The following CLEC12A variants were observed in gnomAD, a reference collection of about 807,000 sequenced individuals.
CLEC12A encodes C-type lectin protein CLL-1.
A neutral mutation model predicts 26.5 loss-of-function variants in CLEC12A; 22 were observed. The observed-to-expected ratio is 0.83, with a 90% CI of 0.59 to 1.19. The LOEUF (loss-of-function observed/expected upper bound fraction) is 1.19. Ranked by LOEUF, CLEC12A falls within the 50% of genes most tolerant of loss-of-function variation. The pLI is 0.00. For missense variants in CLEC12A, 353 were observed against 315.6 expected, an observed-to-expected ratio of 1.12 and a Z score of -0.90; for synonymous variants, 119 against 101.9, an observed-to-expected ratio of 1.17 and a Z score of -1.01.
chr12:9,964,751 G>C (rs1042005082), intron 1 of CLEC12A, among the ~76,000 whole-genome samples: 2 of 152,200 alleles, frequency 1.3e-5, no homozygotes, highest in Non-Finnish European at 2.9e-5. Flanking sequence ...AGGTGGGCTG[G>C]TGACTTGTAC....
At chr12:9,972,063 T>G (rs758905699) in intron 1 of CLEC12A, among the ~76,000 whole-genome samples, 3,369 of 45,654 alleles carry the variant, frequency 0.074, 41 homozygotes, top group Middle Eastern at 0.14. Context: ...TGTGTGTGTT[T>G]TTTTTTTTAT....
the CLEC12A span, among the ~76,000 whole-genome samples, chr12:10,005,775 G>A: frequency 1.6e-4 from 25 of 151,912 alleles, no homozygotes; most frequent in Non-Finnish European, 3.2e-4. Context: ...TCTCCTTCTT[G>A]TGGCCATTTA....
chr12:9,963,611 G>A (rs1281643438), intron 1 of CLEC12A, among the ~76,000 whole-genome samples: 2 of 152,088 alleles, frequency 1.3e-5, no homozygotes, highest in Admixed American at 1.3e-4. Flanking sequence ...GTGTCATGAG[G>A]GGAACAGGGA....
intron 1 of CLEC12A, among the ~76,000 whole-genome samples, chr12:9,977,514 C>A (rs1310476789): frequency 6.6e-6 from 1 of 152,134 alleles, no homozygotes; most frequent in Non-Finnish European, 1.5e-5. Context: ...TTCTGTTTTT[C>A]AAATAGAAAT....
chr12:9,997,411 G>C (rs1338578972), downstream of CLEC12A: 3 of 776,012 alleles, frequency 3.9e-6, no homozygotes, highest in South Asian at 3.9e-5. Flanking sequence ...ATGATTAAAT[G>C]AATGTTGAAA....
intron 5 of CLEC12A, chr12:9,983,776 G>A (rs1037973126): frequency 7.4e-6 from 3 of 406,790 alleles, no homozygotes; most frequent in Admixed American, 8.5e-5. Context: ...GAAATAGTAA[G>A]TGTAGGAGTG....
At chr12:9,980,482 A>G in intron 3 of CLEC12A, 100 bp from the exon 4 acceptor site, 1 of 1,208,558 alleles carries the variant, frequency 8.3e-7, no homozygotes, top group Non-Finnish European at 1.2e-6. Flanking sequence ...AAAGAAGAAT[A>G]AACAGCAAAT....
intron 3 of CLEC12A, 27 bp downstream of exon 3, chr12:9,979,551 T>C (rs746451901): frequency 1.2e-5 from 19 of 1,547,186 alleles, no homozygotes; most frequent in East Asian, 1.1e-4. Context: ...TTGGAGTTAT[T>C]TATTGGACAA....
At chr12:9,963,954 A>T (rs921713482) in intron 1 of CLEC12A, among the ~76,000 whole-genome samples, 17 of 152,206 alleles carry the variant, frequency 1.1e-4, no homozygotes, top group African/African-American at 3.9e-4. Flanking sequence ...ACTGTTATTT[A>T]TGGGGCTGGG....
intron 1 of CLEC12A, among the ~76,000 whole-genome samples, chr12:9,978,085 A>T (rs1486049465): frequency 6.6e-6 from 1 of 152,174 alleles, no homozygotes; most frequent in Non-Finnish European, 1.5e-5. Context: ...TGGATTTCAC[A>T]ATATTATTGC....
At chr12:9,980,955 C>T (rs118068222) in intron 4 of CLEC12A, among the ~76,000 whole-genome samples, 2,523 of 152,232 alleles carry the variant, frequency 0.017, 39 homozygotes, top group Non-Finnish European at 0.022. Context: ...ATGAGTATTA[C>T]AGGGCACCCA....
intron 4 of CLEC12A, chr12:9,991,708 AAC>A (rs1864897047): frequency 6.6e-6 from 1 of 152,176 alleles, no homozygotes; most frequent in Admixed American, 6.5e-5. Flanking sequence ...CTTTAAGAGT[AAC>A]ACATATTTAT....
intron 1 of CLEC12A, among the ~76,000 whole-genome samples, chr12:9,957,513 C>CA (rs1454417665): frequency 5.5e-5 from 8 of 146,084 alleles, no homozygotes; most frequent in African/African-American, 1.5e-4. Flanking sequence ...AACAAAAAAA[C>CA]AAAAAAAAGG....
intron 1 of CLEC12A, among the ~76,000 whole-genome samples, chr12:9,965,518 G>A (rs900850415): frequency 6.6e-6 from 1 of 151,160 alleles, no homozygotes; most frequent in South Asian, 2.1e-4. Context: ...GAGAGGCTGG[G>A]ATGACGGGTG....
At chr12:9,993,399 A>G (rs1864943622) in intron 4 of CLEC12A, 2 of 668,726 alleles carry the variant, frequency 3.0e-6, no homozygotes, top group African/African-American at 5.0e-5. Context: ...AAAATAGGAA[A>G]AAAAAACAAA....
chr12:9,998,444 C>T, downstream of CLEC12A: 1 of 1,041,200 alleles, frequency 9.6e-7, no homozygotes, highest in Non-Finnish European at 1.5e-6. Flanking sequence ...GGAAGGCTCA[C>T]CCCTGCCCCT....
chr12:9,977,929 T>G (rs184866422), intron 1 of CLEC12A, among the ~76,000 whole-genome samples: 2,911 of 152,248 alleles, frequency 0.019, 37 homozygotes, highest in Non-Finnish European at 0.029. Context: ...AATACACATA[T>G]AAATAAGAAA....
chr12:9,976,465 C>A (rs1005210344), intron 1 of CLEC12A, among the ~76,000 whole-genome samples: 1 of 152,036 alleles, frequency 6.6e-6, no homozygotes, highest in East Asian at 1.9e-4. Context: ...GCCTGTAGCC[C>A]CTTTGTTTTG....
At chr12:9,967,180 G>T (rs868249138), upstream of CLEC12A, among the ~76,000 whole-genome samples, 26 of 151,906 alleles carry the variant, frequency 1.7e-4, no homozygotes, top group African/African-American at 5.3e-4. Context: ...AGAAAAGGAA[G>T]ATTAGAAAGA....
Sources: gnomAD v4.1 joint callset for allele counts (sites outside exome capture counted in the v4.1 genomes callset) on GRCh38, gnomAD v4.1.1 for gene constraint, MANE v1.5 for transcripts, NCBI Gene and HGNC (gene_info 2026-07-23, HGNC 2026-07-21) for gene names.